JPH3: variants seen among roughly 807,000 people sequenced by gnomAD.
The protein encoded by JPH3 is junctophilin 3.
JPH3 carries 11 observed loss-of-function variants against 59.6 expected under a neutral mutation model. The ratio of observed to expected loss-of-function variants is 0.18; its 90% CI spans 0.12 to 0.31. JPH3 has a LOEUF of 0.31. Among genes scored for constraint, JPH3 ranks in the 10% least tolerant of loss-of-function variants. The pLI is 1.00. For synonymous variants in JPH3, 673 were observed against 483.6 expected (o/e 1.39, Z -5.14); for missense variants, 1,202 against 1,105.7 (o/e 1.09, Z -1.24).
At position 87,602,618 on chromosome 16, in the gene JPH3, C is replaced by T. The variant is rs1206038664; in HGVS notation, c.-529C>T. Among the ~76,000 whole-genome samples the T allele has an allele frequency of 7.2e-6, 1 of 139,478 alleles. No individual in the cohort carries two copies. The highest frequency in any genetic ancestry group is 2.6e-5 in the African/African-American group (1 of 39,040). The allele number at this position is 139,478 out of a possible 152,430, so 91.5% of individuals were successfully genotyped here. A position where few individuals can be genotyped will look rare whatever the true frequency, so the allele number is the denominator to read the frequency against. ...CCGCCGCCGCCCCGCGCCCGGCCCGCGGCCCCCAATATGGTGCAGCCGCCA... is the reference window on the plus strand; with the variant it reads ...CCGCCGCCGCCCCGCGCCCGGCCCGTGGCCCCCAATATGGTGCAGCCGCCA... On this transcript the variant is annotated 5_prime_UTR_variant, in exon 1 of 5. Coordinates refer to ENST00000284262, the MANE Select transcript of JPH3 (RefSeq NM_020655.4).
At chr16:87,606,993 G>A (rs892510374) in intron 1 of JPH3, among the ~76,000 whole-genome samples, 5 of 152,142 alleles carry the variant, frequency 3.3e-5, no homozygotes, top group African/African-American at 1.2e-4. Flanking sequence ...GAACCAGCAG[G>A]CGTCACACTC....
chr16:87,608,802 C>T (rs1456270043), intron 1 of JPH3, among the ~76,000 whole-genome samples: 2 of 152,046 alleles, frequency 1.3e-5, no homozygotes, highest in African/African-American at 2.4e-5. Flanking sequence ...TTTGGGAGGC[C>T]GAGATGGGAG....
chr16:87,614,684 C>T (rs979267513), intron 1 of JPH3, among the ~76,000 whole-genome samples: 2 of 144,166 alleles, frequency 1.4e-5, no homozygotes, highest in East Asian at 4.2e-4. Flanking sequence ...ACGTGAGGAG[C>T]CGCGCGTCCC....
chr16:87,617,214 C>G (rs1331774092), intron 1 of JPH3, among the ~76,000 whole-genome samples: 1 of 152,156 alleles, frequency 6.6e-6, no homozygotes, highest in African/African-American at 2.4e-5. Context: ...CAGAGTGAGA[C>G]TCTGTCTCAA....
chr16:87,664,958 G>A (rs1050837142), intron 2 of JPH3, among the ~76,000 whole-genome samples: 16 of 152,190 alleles, frequency 1.1e-4, no homozygotes, highest in African/African-American at 3.6e-4. Flanking sequence ...CCCTGAAACC[G>A]CCACCACACA....
At chr16:87,675,858 T>A (rs1045404878) in intron 2 of JPH3, among the ~76,000 whole-genome samples, 1 of 152,188 alleles carries the variant, frequency 6.6e-6, no homozygotes, top group African/African-American at 2.4e-5. Flanking sequence ...TCCCATCCTA[T>A]TTCGCACCCC....
At chr16:87,643,000 G>A (rs7205964) in intron 1 of JPH3, among the ~76,000 whole-genome samples, 55,832 of 151,970 alleles carry the variant, frequency 0.37, 10,577 homozygotes, top group Middle Eastern at 0.49. Flanking sequence ...TACCTCCAAG[G>A]CTTTCCCATC....
Position 87,679,370 on chromosome 16 carries a change from C to T in JPH3, c.1161-4772C>T, listed in dbSNP as rs370177858. ...TCCAGGCTGCTCTGATCGCAGACCT[C>T]CTGTCTTTAACAACCCAGCCTGGGT... On this transcript the variant is annotated intron_variant, in intron 2 of 4. Transcript: ENST00000284262. Among the ~76,000 whole-genome samples the T allele has an allele frequency of 3.9e-5, 6 of 152,328 alleles. No individual in the cohort carries two copies. In the East Asian group the frequency reaches 1.2e-3, roughly 29 times the overall value.
rs917417412 is a variant in JPH3, at chr16:87,644,753, A to G, written c.878A>G (p.Lys293Arg). ...ACCGAGACCTACGTGGGCGAGTGGA[A>G]GAACGACAAACGCTCCGGCTTCGGC... ...TTTETYVGEW[K>R]NDKRSGFGVS... Residue 293 changes from lysine to arginine, a missense_variant, in exon 2 of 5, where the codon AAG becomes AGG. Transcript: ENST00000284262. The G allele has an allele frequency of 5.0e-5, 81 of 1,612,602 alleles. No homozygotes were observed. Among genetic ancestry groups the G allele is most frequent in the Non-Finnish European group, 6.4e-5 (76 of 1,179,872 alleles).
At position 87,696,806 on chromosome 16, in the gene JPH3, T is replaced by G; in HGVS notation, c.*146T>G. ...CACAGAAGAACCACACGATTGGGTATCACTCACAGTTTGCCTTTTTTTCTG... is the reference window on the plus strand; with the variant it reads ...CACAGAAGAACCACACGATTGGGTAGCACTCACAGTTTGCCTTTTTTTCTG... On this transcript the variant is annotated 3_prime_UTR_variant, in exon 5 of 5. Coordinates refer to ENST00000284262, the MANE Select transcript of JPH3 (RefSeq NM_020655.4). The G allele has an allele frequency of 1.5e-6, 1 of 672,712 alleles. No individual in the cohort carries two copies. Among genetic ancestry groups the G allele is most frequent in the Non-Finnish European group, 2.6e-6 (1 of 385,146 alleles). 41.7% of individuals were successfully genotyped at this position (672,712 alleles called of 1,614,324 possible). A position where few individuals can be genotyped will look rare whatever the true frequency, so the allele number is the denominator to read the frequency against.
At chr16:87,692,165 C>T (rs140312818) in intron 4 of JPH3, among the ~76,000 whole-genome samples, 1 of 145,460 alleles carries the variant, frequency 6.9e-6, no homozygotes, top group African/African-American at 2.5e-5. Context: ...AAGTGGCCAC[C>T]CTGGGGTACC....
At chr16:87,619,539 A>G (rs1208638307) in intron 1 of JPH3, among the ~76,000 whole-genome samples, 1 of 152,194 alleles carries the variant, frequency 6.6e-6, no homozygotes, top group Non-Finnish European at 1.5e-5. Context: ...GTAGGTGCTC[A>G]GTAAGCGGCG....
intron 2 of JPH3, among the ~76,000 whole-genome samples, chr16:87,655,763 C>T (rs982567144): frequency 2.6e-5 from 4 of 152,252 alleles, no homozygotes; most frequent in Admixed American, 2.6e-4. Flanking sequence ...CACGTCTCGG[C>T]CCCCCGTGTG....
chr16:87,666,472 G>A (rs2032865230), intron 2 of JPH3, among the ~76,000 whole-genome samples: 1 of 151,724 alleles, frequency 6.6e-6, no homozygotes, highest in East Asian at 1.9e-4. Flanking sequence ...GCTCACTTCA[G>A]CCTCAAATTC....
intron 1 of JPH3, among the ~76,000 whole-genome samples, chr16:87,616,368 G>A (rs980661337): frequency 1.1e-4 from 16 of 151,350 alleles, no homozygotes; most frequent in African/African-American, 3.6e-4. Flanking sequence ...CGAGTAGCTG[G>A]GACTACAGGC....
chr16:87,657,212 C>T (rs147168403), intron 2 of JPH3, among the ~76,000 whole-genome samples: 2 of 152,270 alleles, frequency 1.3e-5, no homozygotes, highest in East Asian at 3.9e-4. Flanking sequence ...AGGAGGAGGC[C>T]AAACTGACCA....
intron 1 of JPH3, among the ~76,000 whole-genome samples, chr16:87,618,843 C>G (rs917314079): frequency 2.0e-5 from 3 of 152,154 alleles, no homozygotes; most frequent in Non-Finnish European, 2.9e-5. Flanking sequence ...AATTCCAGCA[C>G]TTTGGGAGGC....
At position 87,681,618 on chromosome 16, in the gene JPH3, G is replaced by C. The variant is rs180866659; in HGVS notation, c.1161-2524G>C. Among the ~76,000 whole-genome samples the C allele has an allele frequency of 3.6e-4, 53 of 148,160 alleles. No homozygotes were observed. The East Asian group carries it at 0.01, about 29-fold the overall frequency. ...CGCGCGGTGATGACAGTGCCGGGAG[G>C]TCAGGTGCGCGCGGTCGTGACAGTG... On this transcript the variant is annotated intron_variant, in intron 2 of 4. Transcript: ENST00000284262.
At chr16:87,672,997 T>G (rs908785337) in intron 2 of JPH3, among the ~76,000 whole-genome samples, 6 of 152,094 alleles carry the variant, frequency 3.9e-5, no homozygotes, top group Non-Finnish European at 7.4e-5. Context: ...ATACAAAAAA[T>G]TACCTTTGCG....
Sources: gnomAD v4.1 joint callset for allele counts (sites outside exome capture counted in the v4.1 genomes callset) on GRCh38, gnomAD v4.1.1 for gene constraint, MANE v1.5 for transcripts, NCBI Gene and HGNC (gene_info 2026-07-23, HGNC 2026-07-21) for gene names.